PCDHGA2: variants seen among roughly 807,000 people sequenced by gnomAD.
PCDHGA2 encodes protocadherin gamma subfamily A, 2.
A neutral mutation model predicts 59.2 loss-of-function variants in PCDHGA2; 40 were observed. That is an observed-to-expected ratio of 0.68 (90% CI 0.52 to 0.88). The LOEUF (loss-of-function observed/expected upper bound fraction) is 0.88, where lower values mean the gene tolerates loss of function less well. Ranked by LOEUF, PCDHGA2 falls within the 40% of genes least tolerant of loss-of-function variation. PCDHGA2 has a pLI of 0.00. For synonymous variants in PCDHGA2, 560 were observed against 526.0 expected, an observed-to-expected ratio of 1.06 and a Z score of -0.89; for missense variants, 1,226 against 1,204.0, an observed-to-expected ratio of 1.02 and a Z score of -0.27.
intron 1 of PCDHGA2, chr5:141,350,978 A>G (rs1464156311): frequency 6.2e-7 from 1 of 1,613,956 alleles, no homozygotes; most frequent in African/African-American, 1.3e-5. Flanking sequence ...TCCCGTGTTT[A>G]GCCAGGAGGT....
chr5:141,371,947 G>A (rs1208928523), intron 1 of PCDHGA2: 3 of 1,613,182 alleles, frequency 1.9e-6, no homozygotes, highest in Admixed American at 3.3e-5. Context: ...TTCGCGCAGC[G>A]AGCCTTCGAC....
At chr5:141,382,813 T>A in intron 1 of PCDHGA2, 1 of 1,218,620 alleles carries the variant, frequency 8.2e-7, no homozygotes, top group East Asian at 2.4e-5. Flanking sequence ...GAGCTCCCCT[T>A]CCTAAGACAG....
chr5:141,488,095 A>G (rs78361634), intron 1 of PCDHGA2, among the ~76,000 whole-genome samples: 8,142 of 152,146 alleles, frequency 0.054, 446 homozygotes, highest in African/African-American at 0.15. Flanking sequence ...CTGTGAAGGG[A>G]CCTCTCTATT....
intron 1 of PCDHGA2, among the ~76,000 whole-genome samples, chr5:141,450,815 A>ATTATTAT (rs1554136868): frequency 7.9e-6 from 1 of 126,684 alleles, no homozygotes; most frequent in African/African-American, 3.3e-5. Context: ...TATTTATTTA[A>ATTATTAT]TATTATTATT....
rs1308015959 is a variant in PCDHGA2, at chr5:141,482,105, AT to A, written c.2425-12701del. Among the ~76,000 whole-genome samples, 417 of 143,332 alleles carry A rather than the reference AT, an allele frequency of 2.9e-3. 1 individual carries two copies. The highest frequency in any genetic ancestry group is 0.011 in the African/African-American group (394 of 37,394). 94.0% of individuals were successfully genotyped at this position (143,332 alleles called of 152,430 possible). Reference sequence around the variant, plus strand: ...ACTCCATCTCAAAAAAAAAAAAAAAATATCTAGAGATGGGAGAATCATATGG... The same window carrying A: ...ACTCCATCTCAAAAAAAAAAAAAAAAATCTAGAGATGGGAGAATCATATGG... On this transcript the variant is annotated intron_variant, in intron 1 of 3. Coordinates refer to ENST00000394576, the MANE Select transcript of PCDHGA2 (RefSeq NM_018915.4).
chr5:141,352,473 A>G (rs772507861), intron 1 of PCDHGA2: 5 of 1,613,888 alleles, frequency 3.1e-6, no homozygotes, highest in East Asian at 2.2e-5. Context: ...GTTCCTCCCA[A>G]CCACAGCGAG....
At chr5:141,420,268 T>C (rs375162019) in intron 1 of PCDHGA2, 254 of 1,543,666 alleles carry the variant, frequency 1.6e-4, no homozygotes, top group Non-Finnish European at 2.1e-4. Context: ...AGAAGATTCT[T>C]AAACAGGTAA....
chr5:141,362,346 T>A, intron 1 of PCDHGA2: 1 of 1,614,088 alleles, frequency 6.2e-7, no homozygotes, highest in Non-Finnish European at 8.5e-7. Flanking sequence ...AGCCTGGACC[T>A]GGGGTTCTCC....
At position 141,431,140 on chromosome 5, in the gene PCDHGA2, C is replaced by T. The variant is rs145692116; in HGVS notation, c.2425-63667C>T. 2.4e-5 allele frequency: 38 copies of T among 1,614,208 alleles called. No individual in the cohort carries two copies. Among genetic ancestry groups the T allele is most frequent in the Admixed American group, 3.3e-5 (2 of 60,038 alleles). On this transcript the variant is annotated intron_variant, in intron 1 of 3. Coordinates refer to ENST00000394576, the MANE Select transcript of PCDHGA2 (RefSeq NM_018915.4). This position sits in a 1 kb window ranked among gnomAD's most constrained non-coding sequence, Gnocchi z 4.8. ...TAGAAGTAGAAGTAAGGGACATTAA[C>T]GACAATGCGCCTTACTTTCGTGAAA...
intron 1 of PCDHGA2, chr5:141,342,490 A>G (rs1041642799): frequency 6.6e-6 from 1 of 152,188 alleles, no homozygotes; most frequent in African/African-American, 2.4e-5. Flanking sequence ...CCTTTTATTG[A>G]ATGATACCAT....
chr5:141,491,794 TCCGG>T lies in PCDHGA2; in HGVS notation c.2425-3007_2425-3004del. The T allele has an allele frequency of 6.6e-7, 1 of 1,511,056 alleles. No homozygotes were observed. The highest frequency in any genetic ancestry group is 8.8e-7 in the Non-Finnish European group (1 of 1,130,146). 93.6% of individuals were successfully genotyped at this position (1,511,056 alleles called of 1,614,324 possible). A position where few individuals can be genotyped will look rare whatever the true frequency, so the allele number is the denominator to read the frequency against. Reference sequence around the variant, plus strand: ...GGGATTGAACTTGCATCCACTCCTCTCCGGCCGGCTTGGTCGCTGGCTGCGCTCC... The same window carrying T: ...GGGATTGAACTTGCATCCACTCCTCTCCGGCTTGGTCGCTGGCTGCGCTCC... On this transcript the variant is annotated intron_variant, in intron 1 of 3. Transcript: ENST00000394576. The surrounding 1 kb of genome is among the most constrained non-coding windows in gnomAD (Gnocchi z 6.9).
chr5:141,415,007 G>A (rs369009151), intron 1 of PCDHGA2: 1 of 1,613,654 alleles, frequency 6.2e-7, no homozygotes, highest in South Asian at 1.1e-5. Flanking sequence ...CTGTCCTACC[G>A]TCTGCTCAAG....
At chr5:141,488,859 G>A (rs1033425540) in intron 1 of PCDHGA2, among the ~76,000 whole-genome samples, 12 of 152,204 alleles carry the variant, frequency 7.9e-5, no homozygotes, top group African/African-American at 2.9e-4. Context: ...GCAGCACGAA[G>A]TGAGTGGGGA....
At chr5:141,444,637 G>C (rs2098443357) in intron 1 of PCDHGA2, among the ~76,000 whole-genome samples, 1 of 152,236 alleles carries the variant, frequency 6.6e-6, no homozygotes, top group Non-Finnish European at 1.5e-5. Context: ...CCAGTTCATT[G>C]AGGTAGGGGT....
intron 1 of PCDHGA2, among the ~76,000 whole-genome samples, chr5:141,464,827 C>T (rs529757361): frequency 1.5e-4 from 23 of 152,246 alleles, no homozygotes; most frequent in African/African-American, 4.6e-4. Flanking sequence ...TAGCCTCGCA[C>T]TCCTGGGCTC....
At chr5:141,506,700 G>A (rs780282969) in intron 3 of PCDHGA2, among the ~76,000 whole-genome samples, 3 of 152,138 alleles carry the variant, frequency 2.0e-5, no homozygotes, top group Non-Finnish European at 2.9e-5. Flanking sequence ...ACCCAAACCC[G>A]TTTTTTACTG....
chr5:141,395,290 T>G, intron 1 of PCDHGA2: 1 of 1,529,838 alleles, frequency 6.5e-7, no homozygotes, highest in Non-Finnish European at 8.8e-7. Context: ...TTATTTGGCA[T>G]AAATTATGTT....
In PCDHGA2 at chr5:141,485,111, G is replaced by C. The variant is rs2099607127; in HGVS notation, c.2425-9696G>C. On this transcript the variant is annotated intron_variant, in intron 1 of 3. Coordinates refer to ENST00000394576, the MANE Select transcript of PCDHGA2 (RefSeq NM_018915.4). The surrounding 1 kb of genome is among the most constrained non-coding windows in gnomAD (Gnocchi z 5.7). The stretch of plus-strand genomic sequence containing the variant: ...ATAGGTGTCTCCAGCTGCTGTGGCT[G>C]TTTGGGGCGGGTCGGCTTCATCCGC... 5.4e-6 allele frequency: 7 copies of C among 1,287,562 alleles called. No individual in the cohort carries two copies. The highest frequency in any genetic ancestry group is 7.8e-6 in the Non-Finnish European group (7 of 899,436). 79.8% of individuals were successfully genotyped at this position (1,287,562 alleles called of 1,614,324 possible). A position where few individuals can be genotyped will look rare whatever the true frequency, so the allele number is the denominator to read the frequency against.
At chr5:141,344,788 G>C in intron 1 of PCDHGA2, 2 of 1,613,984 alleles carry the variant, frequency 1.2e-6, no homozygotes, top group African/African-American at 2.7e-5. Flanking sequence ...GTGAGTGTTT[G>C]GGAGAACGTG....
Sources: allele counts gnomAD v4.1 joint callset (sites outside exome capture counted in the v4.1 genomes callset), GRCh38; gene constraint gnomAD v4.1.1; non-coding constraint Gnocchi (gnomAD v3.1); transcripts MANE v1.5; gene names NCBI Gene and HGNC (gene_info 2026-07-23, HGNC 2026-07-21).